Variants in MAF observed in about 807,000 individuals in gnomAD.
MAF encodes the protein transcription factor Maf.
A neutral mutation model predicts 22.0 loss-of-function variants in MAF; 10 were observed. The ratio of observed to expected loss-of-function variants is 0.45; its 90% CI spans 0.28 to 0.77. The LOEUF is 0.77. Among genes scored for constraint, MAF ranks in the 30% least tolerant of loss-of-function variants. MAF has a pLI of 0.12. For missense variants in MAF, 544 were observed against 548.4 expected (o/e 0.99, Z 0.08); for synonymous variants, 337 against 255.8 (o/e 1.32, Z -3.03).
At chr16:79,337,465 G>C in the MAF span, among the ~76,000 whole-genome samples, 1 of 152,180 alleles carries the variant, frequency 6.6e-6, no homozygotes, top group East Asian at 1.9e-4. Flanking sequence ...CTACTCAGGA[G>C]GCTGAGGCAG....
chr16:79,312,734 G>A, the MAF span, among the ~76,000 whole-genome samples: 2 of 152,176 alleles, frequency 1.3e-5, no homozygotes, highest in Non-Finnish European at 1.5e-5. Flanking sequence ...GCCTGTCTTC[G>A]TGCCTGTCTC....
At chr16:79,328,893 G>T in the MAF span, among the ~76,000 whole-genome samples, 4 of 152,130 alleles carry the variant, frequency 2.6e-5, no homozygotes, top group Non-Finnish European at 4.4e-5. Flanking sequence ...TCAGTTTTGT[G>T]TTGCTTGTAT....
the MAF span, among the ~76,000 whole-genome samples, chr16:79,290,548 A>C: frequency 6.6e-6 from 1 of 152,022 alleles, no homozygotes; most frequent in Non-Finnish European, 1.5e-5. Context: ...TGTGTGCTTA[A>C]CCATGCTGCG....
At chr16:79,597,241 T>C in intron 1 of MAF, 1 of 1,049,894 alleles carries the variant, frequency 9.5e-7, no homozygotes, top group South Asian at 4.6e-5. Flanking sequence ...AATTTATCTA[T>C]AACATTCCTT....
At chr16:79,225,197 A>G in the MAF span, among the ~76,000 whole-genome samples, 1 of 152,232 alleles carries the variant, frequency 6.6e-6, no homozygotes, top group Non-Finnish European at 1.5e-5. Flanking sequence ...AAGGCCTCAG[A>G]AATAGCACCA....
the MAF span, among the ~76,000 whole-genome samples, chr16:79,311,540 T>C: frequency 4.6e-5 from 7 of 151,774 alleles, no homozygotes; most frequent in South Asian, 1.2e-3. Flanking sequence ...TCAGCTGCTT[T>C]CACTGCAGGC....
chr16:79,396,964 T>C, the MAF span, among the ~76,000 whole-genome samples: 1 of 152,226 alleles, frequency 6.6e-6, no homozygotes, highest in Admixed American at 6.5e-5. Flanking sequence ...CAGCTGGCCT[T>C]GCACAAATAT....
At chr16:79,233,331 C>A in the MAF span, among the ~76,000 whole-genome samples, 1 of 151,926 alleles carries the variant, frequency 6.6e-6, no homozygotes, top group Non-Finnish European at 1.5e-5. Context: ...TATGTTAGCC[C>A]TAGAGTTCTG....
the MAF span, among the ~76,000 whole-genome samples, chr16:79,560,148 C>T: frequency 6.6e-6 from 1 of 151,626 alleles, no homozygotes; most frequent in African/African-American, 2.4e-5. Context: ...TGGCCTCAAG[C>T]AATTCTCCTG....
the MAF span, among the ~76,000 whole-genome samples, chr16:79,258,059 C>T: frequency 6.6e-6 from 1 of 152,144 alleles, no homozygotes; most frequent in African/African-American, 2.4e-5. Context: ...AACATCGCGT[C>T]TCAGCTGCTT....
the MAF span, among the ~76,000 whole-genome samples, chr16:79,294,607 T>C: frequency 6.6e-6 from 1 of 152,228 alleles, no homozygotes; most frequent in Non-Finnish European, 1.5e-5. Flanking sequence ...TAGTATCTTA[T>C]TTGATCCTTG....
the MAF span, among the ~76,000 whole-genome samples, chr16:79,418,337 G>A: frequency 6.6e-6 from 1 of 152,258 alleles, no homozygotes; most frequent in East Asian, 1.9e-4. Flanking sequence ...AGCAGCCACA[G>A]AGAAAAAAAG....
the MAF span, among the ~76,000 whole-genome samples, chr16:79,359,750 G>C: frequency 6.6e-6 from 1 of 152,194 alleles, no homozygotes. Context: ...TAAGTGCAGA[G>C]TAGGACCACA....
At chr16:79,260,683 C>G in the MAF span, among the ~76,000 whole-genome samples, 3 of 152,086 alleles carry the variant, frequency 2.0e-5, no homozygotes, top group Non-Finnish European at 4.4e-5. Flanking sequence ...GTTCAACAGG[C>G]GAAGCATCGG....
At chr16:79,315,198 G>A in the MAF span, among the ~76,000 whole-genome samples, 3 of 152,122 alleles carry the variant, frequency 2.0e-5, no homozygotes, top group African/African-American at 7.2e-5. Context: ...TCCTGCCCTT[G>A]TGGAGTTTAC....
chr16:79,428,868 A>AATAATAATAATAATG, the MAF span, among the ~76,000 whole-genome samples: 1 of 151,016 alleles, frequency 6.6e-6, no homozygotes, highest in Non-Finnish European at 1.5e-5. Context: ...TAATAATAAT[A>AATAATAATAATAATG]ATAGTAATAA....
the MAF span, among the ~76,000 whole-genome samples, chr16:79,278,422 C>A: frequency 6.6e-6 from 1 of 152,286 alleles, no homozygotes; most frequent in African/African-American, 2.4e-5. Flanking sequence ...GAAAAAGAAA[C>A]AAACAAGGTC....
chr16:79,212,250 G>A, the MAF span: 75 of 1,332,062 alleles, frequency 5.6e-5, no homozygotes, highest in Middle Eastern at 5.3e-4. Context: ...ATTGATCCAG[G>A]AGATAATTGT....
At chr16:79,214,359 G>A in the MAF span, among the ~76,000 whole-genome samples, 38 of 152,230 alleles carry the variant, frequency 2.5e-4, no homozygotes, top group African/African-American at 8.2e-4. Flanking sequence ...GGGTGACTAG[G>A]CTTTATGTTC....
Sources: gnomAD v4.1 joint callset for allele counts (sites outside exome capture counted in the v4.1 genomes callset) on GRCh38, gnomAD v4.1.1 for gene constraint, MANE v1.5 for transcripts, NCBI Gene and HGNC (gene_info 2026-07-23, HGNC 2026-07-21) for gene names.